The following ADAM18 variants were observed in gnomAD, a reference collection of about 807,000 sequenced individuals.
ADAM18 encodes disintegrin and metalloproteinase domain-containing protein 18.
A neutral mutation model predicts 94.4 loss-of-function variants in ADAM18; 117 were observed. That is an observed-to-expected ratio of 1.24 (90% CI 1.07 to 1.45). The LOEUF is 1.45. Among genes scored for constraint, ADAM18 ranks in the 40% most tolerant of loss-of-function variants. ADAM18 has a pLI of 0.00. For synonymous variants in ADAM18, 327 were observed against 291.6 expected (o/e 1.12, Z -1.24); for missense variants, 936 against 880.0 (o/e 1.06, Z -0.81).
intron 17 of ADAM18, among the ~76,000 whole-genome samples, chr8:39,693,209 A>G (rs1821828908): frequency 6.6e-6 from 1 of 151,616 alleles, no homozygotes; most frequent in Non-Finnish European, 1.5e-5. Flanking sequence ...GTTTTAAAAA[A>G]TTATTTTCCT....
intron 6 of ADAM18, among the ~76,000 whole-genome samples, chr8:39,621,042 T>G (rs1200557056): frequency 6.6e-6 from 1 of 151,998 alleles, no homozygotes; most frequent in Non-Finnish European, 1.5e-5. Context: ...AATGTGATAA[T>G]GGACTGATAT....
At chr8:39,612,650 AC>A (rs1819313096) in intron 6 of ADAM18, among the ~76,000 whole-genome samples, 2 of 152,128 alleles carry the variant, frequency 1.3e-5, no homozygotes, top group African/African-American at 4.8e-5. Flanking sequence ...CCTGGACAAA[AC>A]AAGCCTGCCT....
intron 16 of ADAM18, among the ~76,000 whole-genome samples, chr8:39,691,168 T>C (rs1471692294): frequency 1.3e-5 from 2 of 152,170 alleles, no homozygotes; most frequent in African/African-American, 2.4e-5. Flanking sequence ...TCTTGTTTTA[T>C]ATGAAACAAG....
intron 7 of ADAM18, among the ~76,000 whole-genome samples, chr8:39,637,050 T>C (rs1316886567): frequency 1.4e-5 from 2 of 144,672 alleles, no homozygotes; most frequent in African/African-American, 2.5e-5. Flanking sequence ...TATATATATA[T>C]ATATATATAT....
chr8:39,614,919 G>GATTTTCACTTAAA (rs1414387099), intron 6 of ADAM18, among the ~76,000 whole-genome samples: 6 of 152,142 alleles, frequency 3.9e-5, no homozygotes, highest in African/African-American at 1.4e-4. Context: ...ATCCTAAACA[G>GATTTTCACTTAAA]ATTTTCACTT....
chr8:39,710,628 A>G (rs1822370560), intron 18 of ADAM18, among the ~76,000 whole-genome samples: 1 of 152,194 alleles, frequency 6.6e-6, no homozygotes, highest in African/African-American at 2.4e-5. Flanking sequence ...TGGTAGTTCA[A>G]CTAGGATGAA....
chr8:39,680,667 T>A (rs1384466072), intron 16 of ADAM18, among the ~76,000 whole-genome samples: 1 of 152,208 alleles, frequency 6.6e-6, no homozygotes, highest in Admixed American at 6.5e-5. Flanking sequence ...ATAGTGCATA[T>A]ACAGGCTCAT....
At chr8:39,677,032 T>C (rs1821320080) in intron 14 of ADAM18, among the ~76,000 whole-genome samples, 2 of 152,140 alleles carry the variant, frequency 1.3e-5, no homozygotes, top group South Asian at 4.1e-4. Flanking sequence ...AATAAACACA[T>C]GTGCTACAAA....
intron 18 of ADAM18, among the ~76,000 whole-genome samples, chr8:39,721,390 G>A (rs1223263898): frequency 2.0e-5 from 3 of 151,314 alleles, no homozygotes; most frequent in African/African-American, 7.3e-5. Context: ...CAAATGCAAC[G>A]AAAGTAAAAA....
At chr8:39,713,233 T>C (rs1563317759) in intron 18 of ADAM18, among the ~76,000 whole-genome samples, 1 of 152,044 alleles carries the variant, frequency 6.6e-6, no homozygotes, top group Non-Finnish European at 1.5e-5. Flanking sequence ...AACTGGCTAG[T>C]CGCATGTAGA....
chr8:39,608,652 A>G (rs1214015795), intron 3 of ADAM18, among the ~76,000 whole-genome samples: 3 of 151,900 alleles, frequency 2.0e-5, no homozygotes, highest in African/African-American at 7.3e-5. Flanking sequence ...GGCCTTATCT[A>G]TTGTCATCTA....
intron 12 of ADAM18, among the ~76,000 whole-genome samples, chr8:39,656,926 A>G (rs1052167342): frequency 2.6e-5 from 4 of 152,214 alleles, no homozygotes; most frequent in Non-Finnish European, 5.9e-5. Flanking sequence ...GCTATTAGGC[A>G]CTACTGTTGG....
intron 6 of ADAM18, among the ~76,000 whole-genome samples, chr8:39,618,582 A>G (rs1819516230): frequency 6.6e-6 from 1 of 152,164 alleles, no homozygotes; most frequent in African/African-American, 2.4e-5. Flanking sequence ...GTTACAAACA[A>G]TCCATAGAAA....
intron 6 of ADAM18, 137 bp downstream of exon 6, chr8:39,610,843 AT>A: frequency 7.8e-7 from 1 of 1,281,472 alleles, no homozygotes; most frequent in Non-Finnish European, 1.0e-6. Context: ...TAAATAAAAC[AT>A]TGAAACTTCA....
chr8:39,644,736 C>T (rs1441012966), intron 10 of ADAM18, among the ~76,000 whole-genome samples: 1 of 152,174 alleles, frequency 6.6e-6, no homozygotes, highest in Non-Finnish European at 1.5e-5. Context: ...TACTTTGTAT[C>T]TCAGCCTAAA....
intron 8 of ADAM18, 66 bp from the exon 9 acceptor site, chr8:39,637,471 T>C: frequency 6.9e-7 from 1 of 1,446,906 alleles, no homozygotes; most frequent in Non-Finnish European, 9.3e-7. Context: ...GTTGTTTATT[T>C]TTTAATGTAC....
At chr8:39,688,965 G>T (rs1166357696) in intron 16 of ADAM18, among the ~76,000 whole-genome samples, 1 of 152,110 alleles carries the variant, frequency 6.6e-6, no homozygotes, top group Non-Finnish European at 1.5e-5. Flanking sequence ...AATGCTCGAT[G>T]ATGTTGAGCT....
At chr8:39,617,592 G>A (rs1733592726) in intron 6 of ADAM18, among the ~76,000 whole-genome samples, 1 of 152,128 alleles carries the variant, frequency 6.6e-6, no homozygotes, top group African/African-American at 2.4e-5. Context: ...CAATCTAGAT[G>A]TCCATCAGTG....
chr8:39,701,621 C>T (rs1822082085), intron 17 of ADAM18, among the ~76,000 whole-genome samples: 1 of 152,250 alleles, frequency 6.6e-6, no homozygotes, highest in South Asian at 2.1e-4. Flanking sequence ...GTTATTTCTC[C>T]TGACCCACTC....
Sources: allele counts gnomAD v4.1 joint callset (sites outside exome capture counted in the v4.1 genomes callset), GRCh38; gene constraint gnomAD v4.1.1; transcripts MANE v1.5; gene names NCBI Gene and HGNC (gene_info 2026-07-23, HGNC 2026-07-21).